Variants in KATNAL2 observed in about 807,000 individuals in gnomAD.
KATNAL2 encodes the protein katanin catalytic subunit A1 like 2.
A neutral mutation model predicts 76.3 loss-of-function variants in KATNAL2; 52 were observed. The ratio of observed to expected loss-of-function variants is 0.68; its 90% CI spans 0.55 to 0.86. KATNAL2 has a LOEUF of 0.86. Ranked by LOEUF, KATNAL2 falls within the 40% of genes least tolerant of loss-of-function variation. KATNAL2 has a pLI of 0.00. For missense variants in KATNAL2, 660 were observed against 668.9 expected (o/e 0.99, Z 0.15); for synonymous variants, 243 against 244.2 (o/e 1.00, Z 0.05).
chr18:46,921,693 C>T (rs938474906), intron 1 of KATNAL2, among the ~76,000 whole-genome samples: 1 of 137,936 alleles, frequency 7.2e-6, no homozygotes, highest in Non-Finnish European at 1.6e-5. Context: ...AAACACATAA[C>T]AAAAAAAAAA....
intron 15 of KATNAL2, among the ~76,000 whole-genome samples, chr18:47,091,984 C>T (rs2063019229): frequency 6.6e-6 from 1 of 152,136 alleles, no homozygotes; most frequent in African/African-American, 2.4e-5. Flanking sequence ...GGTTTTCAGT[C>T]TGATATCAGC....
At chr18:47,057,894 G>A (rs543905467) in intron 6 of KATNAL2, among the ~76,000 whole-genome samples, 22 of 152,280 alleles carry the variant, frequency 1.4e-4, no homozygotes, top group African/African-American at 3.9e-4. Context: ...TTTTAAGGAA[G>A]GTGGAAGGAA....
At chr18:47,052,279 C>T (rs2061359876) in intron 4 of KATNAL2, among the ~76,000 whole-genome samples, 1 of 152,206 alleles carries the variant, frequency 6.6e-6, no homozygotes, top group African/African-American at 2.4e-5. Flanking sequence ...TACAGAAACA[C>T]TCTGAAGTGC....
At chr18:46,918,046 A>C (rs2058194667) in intron 1 of KATNAL2, 120 bp downstream of exon 1, 1 of 151,642 alleles carries the variant, frequency 6.6e-6, no homozygotes, top group African/African-American at 2.4e-5. Flanking sequence ...AAGGTCACGG[A>C]CTGCAGAGTT....
In KATNAL2 at chr18:47,075,352, A is replaced by G. The variant is rs2062164769; in HGVS notation, c.1084A>G (p.Arg362Gly). ...LDELESVMSQ[R>G]GTASGGEHEG... Reference sequence around the variant, plus strand: ...CGAGCTGGAGTCGGTGATGAGTCAGAGAGGCACAGCTTCTGGGTAACAGAC... The same window carrying G: ...CGAGCTGGAGTCGGTGATGAGTCAGGGAGGCACAGCTTCTGGGTAACAGAC... Residue 362 changes from arginine to glycine, a missense_variant, in exon 14 of 18, where the codon AGA (arginine) becomes GGA (glycine). By Grantham distance (125) the Arg-to-Gly change is moderately radical (BLOSUM62 -2). Coordinates refer to ENST00000683218, the MANE Select transcript of KATNAL2 (RefSeq NM_001387690.1). 5 of 1,544,198 alleles carry G rather than the reference A, an allele frequency of 3.2e-6. No individual in the cohort carries two copies. The highest frequency in any genetic ancestry group is 1.4e-5 in the African/African-American group (1 of 70,464).
intron 3 of KATNAL2, among the ~76,000 whole-genome samples, chr18:46,961,122 A>G (rs2146797450): frequency 6.6e-6 from 1 of 152,354 alleles, no homozygotes; most frequent in East Asian, 1.9e-4. Context: ...TACAGATAAC[A>G]CAAGTAGTTT....
chr18:46,944,157 T>C (rs1394496879), intron 1 of KATNAL2, among the ~76,000 whole-genome samples: 1 of 152,212 alleles, frequency 6.6e-6, no homozygotes, highest in East Asian at 1.9e-4. Context: ...AAATGTTAAC[T>C]AGCAGATTTG....
intron 1 of KATNAL2, among the ~76,000 whole-genome samples, chr18:46,929,477 AG>A (rs1469182144): frequency 6.6e-6 from 1 of 152,048 alleles, no homozygotes. Flanking sequence ...TCCTGGCCTC[AG>A]GTGATCCACC....
intron 3 of KATNAL2, among the ~76,000 whole-genome samples, chr18:46,950,841 C>T (rs2059531605): frequency 6.6e-6 from 1 of 152,086 alleles, no homozygotes; most frequent in South Asian, 2.1e-4. Context: ...CCCACCACCA[C>T]ACCCGGCTAA....
At chr18:47,034,537 C>T in intron 3 of KATNAL2, 1 of 1,614,228 alleles carries the variant, frequency 6.2e-7, no homozygotes, top group Non-Finnish European at 8.5e-7. Context: ...AGGGGAGTGC[C>T]AATCTCCCTG....
chr18:46,945,437 G>T (rs1442387104), intron 1 of KATNAL2, among the ~76,000 whole-genome samples: 1 of 152,188 alleles, frequency 6.6e-6, no homozygotes, highest in Non-Finnish European at 1.5e-5. Context: ...GGTGAGAGTG[G>T]TTCTCCAAGC....
chr18:47,038,633 C>A (rs1234972661), intron 3 of KATNAL2, among the ~76,000 whole-genome samples: 1 of 152,132 alleles, frequency 6.6e-6, no homozygotes, highest in Non-Finnish European at 1.5e-5. Context: ...ACATTCCCAC[C>A]AATTGTATCT....
Position 47,077,346 on chromosome 18 carries a change from T to C in KATNAL2, c.1101-5T>C. On this transcript the variant is annotated splice_polypyrimidine_tract_variant and splice_region_variant and intron_variant, in intron 14 of 17. Coordinates refer to ENST00000683218, the MANE Select transcript of KATNAL2 (RefSeq NM_001387690.1). ...TTAGGAGAATCACGTCTTGTCTCTC[T>C]GTAGGGGAGAACATGAAGGAAGCCT... 6.2e-7 allele frequency: 1 copy of C among 1,609,520 alleles called. No individual in the cohort carries two copies. Among genetic ancestry groups the C allele is most frequent in the Non-Finnish European group, 8.5e-7 (1 of 1,175,862 alleles).
chr18:47,069,373 C>A, intron 12 of KATNAL2, 90 bp downstream of exon 12: 2 of 1,356,030 alleles, frequency 1.5e-6, no homozygotes, highest in Non-Finnish European at 2.1e-6. Context: ...GACTGGGGCA[C>A]ACGAGAGCTG....
rs1418721145 is a variant in KATNAL2 at position 46,947,024 on chromosome 18, G to C, written c.51+101G>C. The C allele has an allele frequency of 4.6e-6, 4 of 866,682 alleles. No individual in the cohort carries two copies. In the African/African-American group the frequency reaches 6.7e-5, roughly 14 times the overall value. The allele number at this position is 866,682 out of a possible 1,614,324, so 53.7% of individuals were successfully genotyped here. A position where few individuals can be genotyped will look rare whatever the true frequency, so the allele number is the denominator to read the frequency against. On this transcript the variant is annotated intron_variant, in intron 3 of 17. Coordinates refer to ENST00000683218, the MANE Select transcript of KATNAL2 (RefSeq NM_001387690.1). ...TCCGGTTGCTATGGCGACAGAGTCC[G>C]CTACTAGAGAAGCGCAAACGCAGTG...
At chr18:46,923,755 A>C (rs1340365559) in intron 1 of KATNAL2, among the ~76,000 whole-genome samples, 1 of 152,188 alleles carries the variant, frequency 6.6e-6, no homozygotes, top group Non-Finnish European at 1.5e-5. Context: ...TGACTTTTTA[A>C]TGATCGACAT....
chr18:47,033,177 G>T lies in KATNAL2; in HGVS notation c.52-13280G>T. 6.2e-7 allele frequency: 1 copy of T among 1,614,088 alleles called. No individual in the cohort carries two copies. Among genetic ancestry groups the T allele is most frequent in the Non-Finnish European group, 8.5e-7 (1 of 1,179,996 alleles). Reference sequence around the variant, plus strand: ...GCCAGCGAAGGATGCTGCTGCTGCTGTCTCTGCCACCGCCGCTGCTGCTCT... The same window carrying T: ...GCCAGCGAAGGATGCTGCTGCTGCTTTCTCTGCCACCGCCGCTGCTGCTCT... On this transcript the variant is annotated intron_variant, in intron 3 of 17. Coordinates refer to ENST00000683218, the MANE Select transcript of KATNAL2 (RefSeq NM_001387690.1).
At chr18:47,061,704 C>T (rs1252247945) in intron 8 of KATNAL2, among the ~76,000 whole-genome samples, 1 of 152,142 alleles carries the variant, frequency 6.6e-6, no homozygotes, top group Admixed American at 6.5e-5. Context: ...TAACTTTGGG[C>T]AAGTTGGTTA....
chr18:47,035,299 G>A (rs531466151), intron 3 of KATNAL2: 48 of 1,611,702 alleles, frequency 3.0e-5, no homozygotes, highest in Non-Finnish European at 3.7e-5. Flanking sequence ...CTGTCCCGGC[G>A]GTCGCAGCTC....
Sources: allele counts gnomAD v4.1 joint callset (sites outside exome capture counted in the v4.1 genomes callset), GRCh38; gene constraint gnomAD v4.1.1; transcripts MANE v1.5; gene names NCBI Gene and HGNC (gene_info 2026-07-23, HGNC 2026-07-21).